Variants in NAPSA observed in about 807,000 individuals in gnomAD.
The protein encoded by NAPSA is napsin A aspartic peptidase.
Under a neutral mutation model 36.7 loss-of-function variants are expected in NAPSA, and 37 were observed. The observed-to-expected ratio is 1.01, with a 90% CI of 0.78 to 1.33. The LOEUF (loss-of-function observed/expected upper bound fraction) is 1.33. NAPSA is among the 40% of genes most tolerant of loss of function. The probability of loss-of-function intolerance (pLI) is 0.00; values close to 1 mark genes in which losing one functional copy is unlikely to be tolerated. For synonymous variants in NAPSA, 222 were observed against 234.5 expected (o/e 0.95, Z 0.49); for missense variants, 532 against 543.8 (o/e 0.98, Z 0.21).
chr19:50,363,314 G>A (rs1305563179), intron 1 of NAPSA, among the ~76,000 whole-genome samples: 1 of 152,154 alleles, frequency 6.6e-6, no homozygotes, highest in Non-Finnish European at 1.5e-5. Flanking sequence ...GCGGGGAGGG[G>A]ACATCAGAGG....
upstream of NAPSA, among the ~76,000 whole-genome samples, chr19:50,368,907 C>T (rs1164684247): frequency 2.6e-5 from 4 of 152,208 alleles, no homozygotes; most frequent in African/African-American, 9.6e-5. Flanking sequence ...CTGCACCCCA[C>T]GGGAAAAGGA....
At position 50,359,507 on chromosome 19, in the gene NAPSA, C is replaced by A; in HGVS notation, c.932G>T (p.Gly311Val). Residue 311 changes from glycine (G) to valine (V), a missense_variant, in exon 7 of 9, where the codon GGG becomes GTG. Physicochemically the swap from Gly to Val is moderately radical, Grantham distance 109. This residue lies in a region of NAPSA where 385 missense variants were observed against 371.5 expected (regional missense o/e 1.04). Transcript: ENST00000253719. ...CCCACCAGACTGGGACCTCACCTCC[C>A]CAGCCAGCAAGGGGATTCCCCCAAT... The part of the protein sequence containing the change: ...AAIGGIPLLA[G>V]EYIILCSEIP... 1 of 1,614,164 alleles carries A rather than the reference C, an allele frequency of 6.2e-7. No individual in the cohort carries two copies.
At chr19:50,360,858 G>T in intron 5 of NAPSA, 83 bp downstream of exon 5, 2 of 1,327,758 alleles carry the variant, frequency 1.5e-6, no homozygotes, top group Non-Finnish European at 1.0e-6. Flanking sequence ...GAGAATTCCT[G>T]CATTGGGTCA....
upstream of NAPSA, among the ~76,000 whole-genome samples, chr19:50,368,327 A>C (rs560180811): frequency 1.3e-5 from 2 of 151,702 alleles, no homozygotes; most frequent in African/African-American, 4.8e-5. Flanking sequence ...CTGTCTGTAC[A>C]AAAAAAATGT....
At chr19:50,368,638 C>T (rs2037578531), upstream of NAPSA, among the ~76,000 whole-genome samples, 1 of 152,190 alleles carries the variant, frequency 6.6e-6, no homozygotes, top group East Asian at 1.9e-4. Context: ...TCGATCTGGG[C>T]CCCTTCAACT....
rs898399448 is a variant in NAPSA at position 50,361,769 on chromosome 19, C to T, written c.362G>A (p.Arg121Gln). The T allele has an allele frequency of 1.2e-6, 2 of 1,613,942 alleles. No homozygotes were observed. The highest frequency in any genetic ancestry group is 2.2e-5 in the East Asian group (1 of 44,878). Reference protein sequence around the residue: ...FFSVPCWLHHRFDPKASSSFQ... With the variant: ...FFSVPCWLHHQFDPKASSSFQ... ...GGAGCTAGAGGCTTTGGGATCAAAT[C>T]GGTGGTGTAACCCTAGGTTAGAGGT... Residue 121 changes from arginine to glutamine, a missense_variant, in exon 4 of 9, where the codon CGA becomes CAA. Arg to Gln is a conservative substitution (Grantham distance 43, BLOSUM62 1). Around this residue, in one of 3 missense-constraint regions of NAPSA, gnomAD observed 45 missense variants for 78.7 expected, o/e 0.57. Transcript: ENST00000253719.
At position 50,362,036 on chromosome 19, in the gene NAPSA, G is replaced by A; in HGVS notation, c.282C>T (p.Ala94=). 1.2e-6 allele frequency: 2 copies of A among 1,612,932 alleles called. No homozygotes were observed. Among genetic ancestry groups the A allele is most frequent in the Non-Finnish European group, 1.7e-6 (2 of 1,179,646 alleles). The change falls in exon 3 of 9, where the codon GCC becomes GCT. Residue 94 remains alanine, a synonymous_variant. Transcript: ENST00000253719. ...LGTPPQNFTV[A]FDTGSSNLWV... is the part of the protein sequence containing the mutation. ...AGAGATTGGAGGAGCCAGTGTCAAA[G>A]GCAACAGTGAAGTTTTGTGGAGGCG...
At chr19:50,366,180 T>G (rs1050537782), upstream of NAPSA, among the ~76,000 whole-genome samples, 4 of 151,958 alleles carry the variant, frequency 2.6e-5, no homozygotes, top group African/African-American at 4.8e-5. Context: ...TTTTTGTTTT[T>G]GTTTTTTGGT....
intron 1 of NAPSA, among the ~76,000 whole-genome samples, chr19:50,364,409 A>T (rs2037516434): frequency 6.6e-6 from 1 of 150,948 alleles, no homozygotes; most frequent in African/African-American, 2.4e-5. Flanking sequence ...AGGTCAGGAG[A>T]TCGAGACCAT....
Position 50,361,679 on chromosome 19 carries a change from C to T in NAPSA, c.452G>A (p.Ser151Asn). The stretch of plus-strand genomic sequence containing the variant: ...GCCACTCACAGTCAGCTTGTCCTCG[C>T]TCAGGATTCCATCTACCCGCCCAGT... Reference protein sequence around the residue: ...YGTGRVDGILSEDKLTIGGIK... With the variant: ...YGTGRVDGILNEDKLTIGGIK... Residue 151 changes from serine (S) to asparagine (N), a missense_variant, in exon 4 of 9, where the codon AGC (serine) becomes AAC (asparagine). Around this residue, in one of 3 missense-constraint regions of NAPSA, gnomAD observed 385 missense variants for 371.5 expected, o/e 1.04. Coordinates refer to ENST00000253719, the MANE Select transcript of NAPSA (RefSeq NM_004851.3). The T allele has an allele frequency of 6.2e-7, 1 of 1,613,886 alleles. No homozygotes were observed. Among genetic ancestry groups the T allele is most frequent in the Non-Finnish European group, 8.5e-7 (1 of 1,179,946 alleles).
At chr19:50,359,974 T>TAC in intron 5 of NAPSA, 112 bp from the exon 6 acceptor site, 3 of 1,415,724 alleles carry the variant, frequency 2.1e-6, no homozygotes, top group Non-Finnish European at 2.9e-6. Context: ...CTGGAGTTCC[T>TAC]ACGGGGTAAT....
upstream of NAPSA, among the ~76,000 whole-genome samples, chr19:50,368,112 C>T (rs565316545): frequency 4.1e-5 from 6 of 146,208 alleles, no homozygotes; most frequent in South Asian, 4.4e-4. Context: ...GAGCCAAGAT[C>T]GCGCTGCTAC....
upstream of NAPSA, among the ~76,000 whole-genome samples, chr19:50,366,644 G>T (rs2037552619): frequency 7.0e-6 from 1 of 143,430 alleles, no homozygotes; most frequent in South Asian, 2.2e-4. Context: ...GGGCATTGAT[G>T]AGTTATTTAT....
chr19:50,368,494 C>A (rs1260370197), upstream of NAPSA, among the ~76,000 whole-genome samples: 1 of 152,010 alleles, frequency 6.6e-6, no homozygotes, highest in African/African-American at 2.4e-5. Context: ...ACTGTCTCAA[C>A]AGAAATAAAT....
chr19:50,360,804 G>T (rs1022952257), intron 5 of NAPSA, 137 bp downstream of exon 5: 1 of 826,088 alleles, frequency 1.2e-6, no homozygotes, highest in Non-Finnish European at 1.9e-6. Context: ...GTATTGAATG[G>T]CTGACTTCCT....
intron 1 of NAPSA, among the ~76,000 whole-genome samples, chr19:50,363,984 C>T (rs2037508630): frequency 6.6e-6 from 1 of 152,088 alleles, no homozygotes; most frequent in South Asian, 2.1e-4. Context: ...ACCACAGTAC[C>T]TAATCATCAG....
chr19:50,361,573 G>T, intron 4 of NAPSA, 90 bp downstream of exon 4: 1 of 1,131,634 alleles, frequency 8.8e-7, no homozygotes, highest in Non-Finnish European at 1.3e-6. Context: ...GGCTTGGGAA[G>T]CTCCTCCTCG....
chr19:50,361,895 C>CTT, intron 3 of NAPSA, 74 bp downstream of exon 3: 1 of 1,598,758 alleles, frequency 6.3e-7, no homozygotes, highest in Non-Finnish European at 8.5e-7. Flanking sequence ...TCAAAAGCCT[C>CTT]TGAGAAGCTG....
At chr19:50,360,054 G>T (rs1293220067) in intron 5 of NAPSA, among the ~76,000 whole-genome samples, 192 bp from the exon 6 acceptor site, 1 of 152,222 alleles carries the variant, frequency 6.6e-6, no homozygotes, top group African/African-American at 2.4e-5. Context: ...TTTCTTGGTG[G>T]AAGCTAGAAC....
Sources: allele counts gnomAD v4.1 joint callset (sites outside exome capture counted in the v4.1 genomes callset), GRCh38; gene constraint gnomAD v4.1.1; regional missense constraint gnomAD v4.1.1; transcripts MANE v1.5; gene names NCBI Gene and HGNC (gene_info 2026-07-23, HGNC 2026-07-21).